The following AMER3 variants were observed in gnomAD, a reference collection of about 807,000 sequenced individuals.
AMER3 encodes APC membrane recruitment protein 3.
For missense variants in AMER3, 1,201 were observed against 1,139.4 expected, an observed-to-expected ratio of 1.05 and a Z score of -0.78; for synonymous variants, 541 against 485.5, an observed-to-expected ratio of 1.11 and a Z score of -1.50.
intron 1 of AMER3, among the ~76,000 whole-genome samples, chr2:130,758,449 A>G (rs1423317727): frequency 1.3e-5 from 2 of 151,904 alleles, no homozygotes; most frequent in Non-Finnish European, 2.9e-5. Flanking sequence ...AAGGAAGGAA[A>G]GAAGGAAGGA....
rs1427285195 is a variant in AMER3, at chr2:130,766,941, CA to C, written c.*2286del. 2 of 167,024 alleles carry C rather than the reference CA, an allele frequency of 1.2e-5. No homozygotes were observed. Among genetic ancestry groups the C allele is most frequent in the Non-Finnish European group, 2.9e-5 (2 of 68,124 alleles). The allele number at this position is 167,024 out of a possible 1,614,324, so 10.3% of individuals were successfully genotyped here. A position where few individuals can be genotyped will look rare whatever the true frequency, so the allele number is the denominator to read the frequency against. ...CTCTCTAACTAGAGCCATGGATGGC[CA>C]AATGCTTTTTGGGAAGAAGCCAATG... On this transcript the variant is annotated 3_prime_UTR_variant, in exon 2 of 2. Transcript: ENST00000321420.
rs759642503 is a variant in AMER3 at position 130,763,248 on chromosome 2, G to A, written c.1176G>A (p.Ser392=). ...ACGAGGGCTACTATGATTCCTTCTC[G>A]CCAGGACTTGAGGAGGACAAGAAGG... is the stretch of plus-strand genomic sequence containing the variant. ...TSDEGYYDSF[S]PGLEEDKKEA... Residue 392 remains serine (S), a synonymous_variant, in exon 2 of 2, where the codon TCG becomes TCA. Coordinates refer to ENST00000321420, the MANE Select transcript of AMER3 (RefSeq NM_152698.3). 1.8e-5 allele frequency: 29 copies of A among 1,613,744 alleles called. No individual in the cohort carries two copies. Among genetic ancestry groups the A allele is most frequent in the African/African-American group, 4.0e-5 (3 of 74,908 alleles).
At position 130,762,872 on chromosome 2, in the gene AMER3, A is replaced by G; in HGVS notation, c.800A>G (p.Glu267Gly). Reference protein sequence around the residue: ...ESSVPSLELNEGPESPTQAAQ... With the variant: ...ESSVPSLELNGGPESPTQAAQ... ...TCGGTGCCATCTCTGGAGCTGAACG[A>G]GGGCCCGGAGAGCCCAACCCAGGCT... The change falls in exon 2 of 2, where the codon GAG (glutamate) becomes GGG (glycine). Residue 267 changes from glutamate (E) to glycine (G), a missense_variant. Transcript: ENST00000321420. 3 of 1,613,282 alleles carry G rather than the reference A, an allele frequency of 1.9e-6. No homozygotes were observed. Among genetic ancestry groups the G allele is most frequent in the Non-Finnish European group, 2.5e-6 (3 of 1,179,974 alleles).
intron 1 of AMER3, among the ~76,000 whole-genome samples, chr2:130,756,787 A>T (rs1354886642): frequency 6.6e-6 from 1 of 151,818 alleles, no homozygotes; most frequent in South Asian, 2.1e-4. Flanking sequence ...CTCACCGCAG[A>T]TTCTATTTCT....
At chr2:130,759,612 G>A (rs1678717189) in intron 1 of AMER3, among the ~76,000 whole-genome samples, 1 of 152,132 alleles carries the variant, frequency 6.6e-6, no homozygotes, top group African/African-American at 2.4e-5. Context: ...ATCTGTGTGA[G>A]CTACCCTTCT....
At position 130,761,922 on chromosome 2, in the gene AMER3, C is replaced by G. The variant is rs76035719; in HGVS notation, c.-19-132C>G. The G allele has an allele frequency of 8.0e-3, 7,128 of 892,788 alleles. 327 individuals are homozygous for G. In the African/African-American group the frequency reaches 0.1, roughly 13 times the overall value. 55.3% of individuals were successfully genotyped at this position (892,788 alleles called of 1,614,324 possible). Reference sequence around the variant, plus strand: ...TAGGGCTGCTCCCATCTTTCTCCCCCACCTGCAAGGAGGATCTCCTGGGAC... The same window carrying G: ...TAGGGCTGCTCCCATCTTTCTCCCCGACCTGCAAGGAGGATCTCCTGGGAC... On this transcript the variant is annotated intron_variant, in intron 1 of 1. Transcript: ENST00000321420.
rs886526304 is a variant in AMER3, at chr2:130,764,637, C to T, written c.2565C>T (p.Ala855=). The T allele has an allele frequency of 6.2e-7, 1 of 1,606,874 alleles. No individual in the cohort carries two copies. The highest frequency in any genetic ancestry group is 8.5e-7 in the Non-Finnish European group (1 of 1,178,132). The change falls in exon 2 of 2, where the codon GCC becomes GCT. Residue 855 remains alanine, a synonymous_variant. Coordinates refer to ENST00000321420, the MANE Select transcript of AMER3 (RefSeq NM_152698.3). ...GQPEVGASGP[A]MAEPHL is the part of the protein sequence containing the mutation. ...CAGAAGTGGGGGCCTCTGGGCCAGC[C>T]ATGGCTGAGCCCCATCTGTAGGACA...
rs376263403 is a variant in AMER3 at position 130,762,386 on chromosome 2, C to T, written c.314C>T (p.Thr105Met). 1.1e-5 allele frequency: 17 copies of T among 1,610,936 alleles called. No individual in the cohort carries two copies. The highest frequency in any genetic ancestry group is 1.7e-4 in the Middle Eastern group (1 of 5,956). The change falls in exon 2 of 2, where the codon ACG (threonine) becomes ATG (methionine). Residue 105 changes from threonine (T) to methionine (M), a missense_variant. Transcript: ENST00000321420. ...HDSMSGAGRA[T>M]AATGQLVGSA... is the part of the protein sequence containing the mutation. ...AGCATGTCTGGGGCAGGCAGGGCCA[C>T]GGCTGCCACAGGGCAGCTGGTGGGC...
intron 1 of AMER3, chr2:130,755,895 A>T (rs1678588890): frequency 6.6e-6 from 1 of 151,186 alleles, no homozygotes; most frequent in Admixed American, 6.6e-5. Context: ...GCTGAGGGGG[A>T]GGGGCTCCCA....
rs1574042820 is a variant in AMER3, at chr2:130,762,865, C to G, written c.793C>G (p.Leu265Val). The G allele has an allele frequency of 2.5e-6, 4 of 1,613,390 alleles. No homozygotes were observed. Among genetic ancestry groups the G allele is most frequent in the Non-Finnish European group, 3.4e-6 (4 of 1,179,988 alleles). Residue 265 changes from leucine (L) to valine (V), a missense_variant, in exon 2 of 2, where the codon CTG (leucine) becomes GTG (valine). Physicochemically the swap from Leu to Val is conservative, Grantham distance 32 (BLOSUM62 1). Transcript: ENST00000321420. ...ADESSVPSLE[L>V]NEGPESPTQA... ...TGAGAGCTCGGTGCCATCTCTGGAG[C>G]TGAACGAGGGCCCGGAGAGCCCAAC...
At position 130,762,152 on chromosome 2, in the gene AMER3, T is replaced by C. The variant is rs762376021; in HGVS notation, c.80T>C (p.Val27Ala). 6.2e-7 allele frequency: 1 copy of C among 1,608,530 alleles called. No homozygotes were observed. Among genetic ancestry groups the C allele is most frequent in the Non-Finnish European group, 8.5e-7 (1 of 1,177,802 alleles). The change falls in exon 2 of 2, where the codon GTG (valine) becomes GCG (alanine). Residue 27 changes from valine to alanine, a missense_variant. Coordinates refer to ENST00000321420, the MANE Select transcript of AMER3 (RefSeq NM_152698.3). ...GAGAAACCCCCAGACCCAGCAGCCG[T>C]GGCTGCAGCCAGGGAGGGGACAGGC... ...SHEKPPDPAA[V>A]AAAREGTGPW... is the part of the protein sequence containing the mutation.
rs758358852 is a variant in AMER3, at chr2:130,763,871, C to G, written c.1799C>G (p.Ser600Cys). Reference protein sequence around the residue: ...QGTGTLSRDASREEETRGHSE... With the variant: ...QGTGTLSRDACREEETRGHSE... ...ACTGGCACACTGTCCAGGGATGCCT[C>G]TCGAGAGGAAGAGACACGAGGTCAC... Residue 600 changes from serine (S) to cysteine (C), a missense_variant, in exon 2 of 2, where the codon TCT (serine) becomes TGT (cysteine). Physicochemically the swap from Ser to Cys is moderately radical, Grantham distance 112. Coordinates refer to ENST00000321420, the MANE Select transcript of AMER3 (RefSeq NM_152698.3). The G allele has an allele frequency of 1.9e-6, 3 of 1,613,382 alleles. No homozygotes were observed. The highest frequency in any genetic ancestry group is 1.7e-6 in the Non-Finnish European group (2 of 1,180,036).
chr2:130,766,544 G>T lies in AMER3; in HGVS notation c.*1886G>T, dbSNP rs1453518653. Reference sequence around the variant, plus strand: ...CTCACTTTGTTGCCCAGGTGGGAATGGGAGTGCAGTGGCACAGTCTTGGCT... The same window carrying T: ...CTCACTTTGTTGCCCAGGTGGGAATTGGAGTGCAGTGGCACAGTCTTGGCT... On this transcript the variant is annotated 3_prime_UTR_variant, in exon 2 of 2. Coordinates refer to ENST00000321420, the MANE Select transcript of AMER3 (RefSeq NM_152698.3). 7.0e-6 allele frequency: 1 copy of T among 142,868 alleles called. No individual in the cohort carries two copies. Among genetic ancestry groups the T allele is most frequent in the East Asian group, 2.1e-4 (1 of 4,716 alleles). The allele number at this position is 142,868 out of a possible 1,614,324, so 8.9% of individuals were successfully genotyped here.
chr2:130,764,690 G>T lies in AMER3; in HGVS notation c.*32G>T. The T allele has an allele frequency of 6.5e-7, 1 of 1,547,630 alleles. No homozygotes were observed. The highest frequency in any genetic ancestry group is 2.0e-5 in the Admixed American group (1 of 49,082). On this transcript the variant is annotated 3_prime_UTR_variant, in exon 2 of 2. Transcript: ENST00000321420. ...CTCACATGCACCAGGAACTGCATGT[G>T]TCTTCATGACCACTTTCAGGAGAGC...
chr2:130,756,903 C>T (rs540197720), intron 1 of AMER3, among the ~76,000 whole-genome samples: 3 of 146,888 alleles, frequency 2.0e-5, no homozygotes, highest in Non-Finnish European at 3.0e-5. Flanking sequence ...CTACTGAGAA[C>T]GCTATTGCCC....
At chr2:130,761,795 G>C (rs913329347) in intron 1 of AMER3, among the ~76,000 whole-genome samples, 1 of 152,158 alleles carries the variant, frequency 6.6e-6, no homozygotes, top group Non-Finnish European at 1.5e-5. Context: ...AGTCTGAATG[G>C]GCCAAATGAG....
chr2:130,757,874 T>C (rs1476425821), intron 1 of AMER3, among the ~76,000 whole-genome samples: 1 of 152,220 alleles, frequency 6.6e-6, no homozygotes, highest in African/African-American at 2.4e-5. Context: ...GGCTTACGCC[T>C]GTAATCCTGG....
At position 130,763,865 on chromosome 2, in the gene AMER3, A is replaced by T. The variant is rs142615965; in HGVS notation, c.1793A>T (p.Asp598Val). Residue 598 changes from aspartate to valine, a missense_variant, in exon 2 of 2, where the codon GAT (aspartate) becomes GTT (valine). Physicochemically the swap from Asp to Val is radical, Grantham distance 152 (BLOSUM62 -3). Coordinates refer to ENST00000321420, the MANE Select transcript of AMER3 (RefSeq NM_152698.3). Reference sequence around the variant, plus strand: ...CAAGGGACTGGCACACTGTCCAGGGATGCCTCTCGAGAGGAAGAGACACGA... The same window carrying T: ...CAAGGGACTGGCACACTGTCCAGGGTTGCCTCTCGAGAGGAAGAGACACGA... ...ATQGTGTLSRDASREEETRGH... is the reference protein window; with the variant it reads ...ATQGTGTLSRVASREEETRGH... 1.4e-4 allele frequency: 232 copies of T among 1,613,312 alleles called. No homozygotes were observed. Among genetic ancestry groups the T allele is most frequent in the Non-Finnish European group, 1.8e-4 (210 of 1,180,026 alleles).
At chr2:130,758,503 A>G (rs1678680350) in intron 1 of AMER3, among the ~76,000 whole-genome samples, 1 of 152,248 alleles carries the variant, frequency 6.6e-6, no homozygotes, top group South Asian at 2.1e-4. Flanking sequence ...GTATCACAGA[A>G]TTAAAATCTC....
Sources: gnomAD v4.1 joint callset for allele counts (sites outside exome capture counted in the v4.1 genomes callset) on GRCh38, gnomAD v4.1.1 for gene constraint, MANE v1.5 for transcripts, NCBI Gene and HGNC (gene_info 2026-07-23, HGNC 2026-07-21) for gene names.